Variants in ESR2 observed in about 807,000 individuals in gnomAD.
The protein encoded by ESR2 is estrogen receptor beta.
A neutral mutation model predicts 49.6 loss-of-function variants in ESR2; 36 were observed. The observed-to-expected ratio is 0.73, with a 90% CI of 0.56 to 0.96. The LOEUF is 0.96. Ranked by LOEUF, ESR2 falls within the 40% of genes least tolerant of loss-of-function variation. ESR2 has a pLI of 0.00. For missense variants in ESR2, 714 were observed against 693.0 expected (o/e 1.03, Z -0.34); for synonymous variants, 320 against 266.1 (o/e 1.20, Z -1.97).
intron 3 of ESR2, among the ~76,000 whole-genome samples, chr14:64,272,142 T>C (rs891090947): frequency 6.6e-6 from 1 of 152,226 alleles, no homozygotes; most frequent in Non-Finnish European, 1.5e-5. Flanking sequence ...TGCATTTCTC[T>C]GATAATTAAT....
chr14:64,304,214 G>A (rs1014574971), intron 1 of ESR2, among the ~76,000 whole-genome samples: 7 of 152,216 alleles, frequency 4.6e-5, no homozygotes, highest in African/African-American at 1.7e-4. Flanking sequence ...GGCTGAGGTG[G>A]GAGGATCACC....
rs972563954 is a variant in ESR2, at chr14:64,228,873, T to A, written c.*4264A>T. 2.6e-5 allele frequency among the ~76,000 whole-genome samples: 4 copies of A among 152,156 alleles called. No individual in the cohort carries two copies. Among genetic ancestry groups the A allele is most frequent in the African/African-American group, 9.7e-5 (4 of 41,440 alleles). On this transcript the variant is annotated 3_prime_UTR_variant, in exon 9 of 9. Coordinates refer to ENST00000341099, the MANE Select transcript of ESR2 (RefSeq NM_001437.3). ...CACTACGATCATACATCACAGACAATGCACATCTTAAGAGCTGCCACTGGA... is the reference window on the plus strand; with the variant it reads ...CACTACGATCATACATCACAGACAAAGCACATCTTAAGAGCTGCCACTGGA...
chr14:64,260,839 G>T, intron 4 of ESR2, 91 bp from the exon 5 acceptor site: 1 of 1,217,474 alleles, frequency 8.2e-7, no homozygotes, highest in Non-Finnish European at 1.1e-6. Context: ...AGCCTGTGGG[G>T]CACGTACCAA....
At chr14:64,270,698 C>T (rs900806226) in intron 3 of ESR2, among the ~76,000 whole-genome samples, 15 of 152,242 alleles carry the variant, frequency 9.9e-5, no homozygotes, top group Admixed American at 7.8e-4. Flanking sequence ...TTAGTAGAGA[C>T]GGGGTTTGGC....
At chr14:64,319,702 A>G (rs75516996) in intron 1 of ESR2, among the ~76,000 whole-genome samples, 2,172 of 152,330 alleles carry the variant, frequency 0.014, 39 homozygotes, top group African/African-American at 0.042. Context: ...GTCATTAGGG[A>G]ACTGCAATTA....
At chr14:64,330,992 G>A (rs2077450678) in intron 1 of ESR2, 1 of 150,824 alleles carries the variant, frequency 6.6e-6, no homozygotes, top group Non-Finnish European at 1.5e-5. Flanking sequence ...AAGACCAGAG[G>A]AGAAAAAACA....
chr14:64,313,063 T>C (rs570027588), intron 1 of ESR2, among the ~76,000 whole-genome samples: 1 of 152,200 alleles, frequency 6.6e-6, no homozygotes, highest in South Asian at 2.1e-4. Flanking sequence ...AAATATGTTA[T>C]GCAAATATTA....
At chr14:64,227,507 TTTAGGCCACCGAGTTGA>T (rs750896764), downstream of ESR2, 1 of 1,611,296 alleles carries the variant, frequency 6.2e-7, no homozygotes, top group Admixed American at 1.7e-5. Context: ...AAGATTTTTC[TTTAGGCCACCGAGTTGA>T]TTAGAGGGTC....
chr14:64,295,979 G>A (rs2076952000), upstream of ESR2, among the ~76,000 whole-genome samples: 1 of 148,860 alleles, frequency 6.7e-6, no homozygotes, highest in South Asian at 2.1e-4. Flanking sequence ...GGGAGGCGGA[G>A]GTTGCAGTGA....
In ESR2 at chr14:64,233,041, C is replaced by G. The variant is rs951760289; in HGVS notation, c.*96G>C. On this transcript the variant is annotated 3_prime_UTR_variant, in exon 9 of 9. Transcript: ENST00000341099. The stretch of plus-strand genomic sequence containing the variant: ...AAGCCTGCCATCACCAAATGAGGGA[C>G]CACACAGCAGAAAGATGAAGCCCAG... The G allele has an allele frequency of 2.0e-6, 3 of 1,515,822 alleles. No homozygotes were observed. Among genetic ancestry groups the G allele is most frequent in the Non-Finnish European group, 1.8e-6 (2 of 1,130,450 alleles). 93.9% of individuals were successfully genotyped at this position (1,515,822 alleles called of 1,614,324 possible).
At chr14:64,329,931 G>C (rs1168805434) in intron 1 of ESR2, 2 of 151,882 alleles carry the variant, frequency 1.3e-5, no homozygotes, top group Non-Finnish European at 2.9e-5. Flanking sequence ...GTAATTTCAG[G>C]AGTTTGAGAC....
chr14:64,237,336 C>T (rs899483909), intron 7 of ESR2, among the ~76,000 whole-genome samples: 1 of 152,148 alleles, frequency 6.6e-6, no homozygotes, highest in Admixed American at 6.6e-5. Context: ...GTTTTAGGTA[C>T]ACACAGAAAA....
downstream of ESR2, chr14:64,227,284 C>T (rs1298946433): frequency 7.7e-6 from 4 of 516,372 alleles, no homozygotes; most frequent in Non-Finnish European, 1.4e-5. Flanking sequence ...ATGGGTGAGA[C>T]ATCTGCAAGC....
At chr14:64,277,392 G>C (rs921137299) in intron 3 of ESR2, among the ~76,000 whole-genome samples, 1 of 152,068 alleles carries the variant, frequency 6.6e-6, no homozygotes. Context: ...TTGGGAGGCC[G>C]AGGCGGGCGG....
chr14:64,295,091 G>A (rs2076939235), upstream of ESR2, among the ~76,000 whole-genome samples: 1 of 152,210 alleles, frequency 6.6e-6, no homozygotes, highest in Non-Finnish European at 1.5e-5. Context: ...ACCCCAGCAG[G>A]AGCCCCAGGG....
intron 2 of ESR2, among the ~76,000 whole-genome samples, chr14:64,282,322 G>C (rs1051620282): frequency 6.6e-6 from 1 of 152,154 alleles, no homozygotes. Context: ...TCCAGTCTGA[G>C]TGACAGAGCG....
intron 3 of ESR2, among the ~76,000 whole-genome samples, chr14:64,271,698 A>G (rs955592450): frequency 1.3e-5 from 2 of 152,248 alleles, no homozygotes; most frequent in Admixed American, 6.5e-5. Context: ...TTCACTTAAC[A>G]TGACCTCCAG....
upstream of ESR2, among the ~76,000 whole-genome samples, chr14:64,296,311 A>G (rs1177765644): frequency 6.6e-6 from 1 of 152,238 alleles, no homozygotes; most frequent in African/African-American, 2.4e-5. Context: ...TGAGGCTCAC[A>G]GAGCTTCTGT....
chr14:64,226,997 C>CCCT (rs1264367082), downstream of ESR2: 1 of 153,296 alleles, frequency 6.5e-6, no homozygotes, highest in African/African-American at 2.4e-5. Context: ...GGATTCCCAG[C>CCCT]CCTCTCCATG....
Sources: gnomAD v4.1 joint callset for allele counts (sites outside exome capture counted in the v4.1 genomes callset) on GRCh38, gnomAD v4.1.1 for gene constraint, MANE v1.5 for transcripts, NCBI Gene and HGNC (gene_info 2026-07-23, HGNC 2026-07-21) for gene names.